ATP13A4: variants seen among roughly 807,000 people sequenced by gnomAD.
ATP13A4 encodes the protein ATPase 13A4, also known as probable cation-transporting ATPase 13A4.
Under a neutral mutation model 142.5 loss-of-function variants are expected in ATP13A4, and 114 were observed. The observed-to-expected ratio is 0.80, with a 90% confidence interval of 0.69 to 0.93. The LOEUF (loss-of-function observed/expected upper bound fraction) is 0.93. Among genes scored for constraint, ATP13A4 ranks in the 40% least tolerant of loss-of-function variants. The probability of loss-of-function intolerance (pLI) is 0.00; values close to 1 mark genes in which losing one functional copy is unlikely to be tolerated. For synonymous variants in ATP13A4, 488 were observed against 514.8 expected (o/e 0.95, Z 0.70); for missense variants, 1,392 against 1,454.0 (o/e 0.96, Z 0.69).
chr3:193,499,195 T>A (rs1353209995), intron 3 of ATP13A4, among the ~76,000 whole-genome samples: 1 of 152,214 alleles, frequency 6.6e-6, no homozygotes, highest in Non-Finnish European at 1.5e-5. Context: ...ACATAATGCA[T>A]TTAAAAAGTA....
At chr3:193,503,697 G>A (rs1017473871) in intron 2 of ATP13A4, among the ~76,000 whole-genome samples, 3 of 152,116 alleles carry the variant, frequency 2.0e-5, no homozygotes, top group Admixed American at 1.3e-4. Context: ...AGAGAAGACC[G>A]TCTGTATGCC....
At chr3:193,539,092 C>T (rs995101448) in intron 1 of ATP13A4, among the ~76,000 whole-genome samples, 4 of 152,020 alleles carry the variant, frequency 2.6e-5, no homozygotes, top group African/African-American at 7.2e-5. Context: ...AGGCTAGTCT[C>T]GAACTCCCAA....
At chr3:193,562,368 TA>T (rs1444191565) in intron 2 of ATP13A4, among the ~76,000 whole-genome samples, 1 of 152,236 alleles carries the variant, frequency 6.6e-6, no homozygotes, top group Non-Finnish European at 1.5e-5. Context: ...TATAGAATGC[TA>T]TTATTATATG....
At chr3:193,519,377 T>G (rs1025225537) in intron 1 of ATP13A4, among the ~76,000 whole-genome samples, 1 of 152,086 alleles carries the variant, frequency 6.6e-6, no homozygotes, top group East Asian at 1.9e-4. Flanking sequence ...CCTCTCCAAC[T>G]CCATCTTGGA....
intron 5 of ATP13A4, among the ~76,000 whole-genome samples, chr3:193,492,627 G>T (rs139883282): frequency 7.6e-4 from 115 of 152,146 alleles, no homozygotes; most frequent in African/African-American, 2.5e-3. Flanking sequence ...CAGTTCTTCC[G>T]CTACTAATTC....
At chr3:193,521,973 A>C (rs1017853104) in intron 1 of ATP13A4, among the ~76,000 whole-genome samples, 2 of 151,936 alleles carry the variant, frequency 1.3e-5, no homozygotes, top group Non-Finnish European at 2.9e-5. Context: ...GAAAAAAAAA[A>C]CTGCACCTCC....
intron 25 of ATP13A4, among the ~76,000 whole-genome samples, chr3:193,431,912 C>T (rs1715998496): frequency 6.6e-6 from 1 of 151,878 alleles, no homozygotes; most frequent in African/African-American, 2.4e-5. Flanking sequence ...ATTCATGCCC[C>T]TGGATGTTAG....
At chr3:193,433,810 A>C (rs1267207513) in intron 25 of ATP13A4, 35 bp downstream of exon 25, 1 of 1,518,516 alleles carries the variant, frequency 6.6e-7, no homozygotes, top group Non-Finnish European at 9.2e-7. Context: ...AGCTGAGGGT[A>C]GCACCTCTGG....
chr3:193,534,462 A>G (rs1333462973), intron 1 of ATP13A4, among the ~76,000 whole-genome samples: 1 of 152,212 alleles, frequency 6.6e-6, no homozygotes. Flanking sequence ...CCATTATAAA[A>G]CTACTATAAC....
At chr3:193,567,428 C>T (rs1724158646) in intron 2 of ATP13A4, among the ~76,000 whole-genome samples, 1 of 152,148 alleles carries the variant, frequency 6.6e-6, no homozygotes, top group African/African-American at 2.4e-5. Flanking sequence ...GCTATAGCAT[C>T]ATGTAGTTAA....
At chr3:193,504,654 A>T (rs565109449) in intron 2 of ATP13A4, among the ~76,000 whole-genome samples, 13 of 152,182 alleles carry the variant, frequency 8.5e-5, no homozygotes, top group Admixed American at 2.0e-4. Context: ...TTTGCTAAAA[A>T]ATATAATTTG....
chr3:193,468,121 G>A (rs946132176), intron 9 of ATP13A4, among the ~76,000 whole-genome samples: 4 of 152,150 alleles, frequency 2.6e-5, no homozygotes, highest in Admixed American at 2.6e-4. Context: ...AGAGGTTGTG[G>A]TGAGCCAAGA....
At chr3:193,453,297 A>G (rs756399028) in intron 17 of ATP13A4, among the ~76,000 whole-genome samples, 25 of 152,212 alleles carry the variant, frequency 1.6e-4, no homozygotes, top group Non-Finnish European at 3.2e-4. Context: ...TAGTTACAAG[A>G]GAGTGTTGAC....
intron 1 of ATP13A4, among the ~76,000 whole-genome samples, chr3:193,528,380 A>C (rs1722126170): frequency 6.6e-6 from 1 of 152,244 alleles, no homozygotes; most frequent in Non-Finnish European, 1.5e-5. Context: ...GAAATTCTTA[A>C]GATGGCACCA....
chr3:193,435,228 CT>C (rs1302757764), intron 24 of ATP13A4, among the ~76,000 whole-genome samples: 1 of 148,202 alleles, frequency 6.7e-6, no homozygotes, highest in Non-Finnish European at 1.5e-5. Context: ...ATTTACGCCA[CT>C]GAAATGGGCA....
At chr3:193,408,261 T>C (rs940238425) in intron 28 of ATP13A4, among the ~76,000 whole-genome samples, 32 of 152,240 alleles carry the variant, frequency 2.1e-4, no homozygotes, top group African/African-American at 7.5e-4. Context: ...ATCTGAGAAA[T>C]ATACTTGTAC....
intron 3 of ATP13A4, among the ~76,000 whole-genome samples, chr3:193,500,644 C>A (rs1720491992): frequency 6.6e-6 from 1 of 152,204 alleles, no homozygotes; most frequent in Non-Finnish European, 1.5e-5. Flanking sequence ...AGGCAGAACT[C>A]AGGAGGTAAT....
intron 23 of ATP13A4, among the ~76,000 whole-genome samples, chr3:193,436,317 T>C (rs550391320): frequency 1.7e-3 from 253 of 152,340 alleles, no homozygotes; most frequent in African/African-American, 5.9e-3. Flanking sequence ...AGCATTTTCA[T>C]TTGTGTTATT....
intron 23 of ATP13A4, among the ~76,000 whole-genome samples, chr3:193,437,927 G>T (rs1266524455): frequency 6.8e-6 from 1 of 147,774 alleles, no homozygotes; most frequent in Admixed American, 7.1e-5. Flanking sequence ...CACCTCCCAG[G>T]TTCACACCAT....
Sources: gnomAD v4.1 joint callset for allele counts (sites outside exome capture counted in the v4.1 genomes callset) on GRCh38, gnomAD v4.1.1 for gene constraint, MANE v1.5 for transcripts, NCBI Gene and HGNC (gene_info 2026-07-23, HGNC 2026-07-21) for gene names.